Variants in STX2 observed in about 807,000 individuals in gnomAD.
STX2 encodes syntaxin 2.
STX2 carries 27 observed loss-of-function variants against 40.6 expected under a neutral mutation model. The observed-to-expected ratio is 0.66, with a 90% CI of 0.49 to 0.92. The LOEUF is 0.92. Ranked by LOEUF, STX2 falls within the 40% of genes least tolerant of loss-of-function variation. The probability of loss-of-function intolerance (pLI) is 0.00; values close to 1 mark genes in which losing one functional copy is unlikely to be tolerated. For synonymous variants in STX2, 123 were observed against 119.1 expected (o/e 1.03, Z -0.22); for missense variants, 328 against 366.1 (o/e 0.90, Z 0.85).
At chr12:130,818,669 G>GAGACGGTGC (rs201644102) in intron 3 of STX2, among the ~76,000 whole-genome samples, 17 of 104,802 alleles carry the variant, frequency 1.6e-4, no homozygotes, top group East Asian at 8.5e-4. Context: ...GGAGACGATG[G>GAGACGGTGC]AGACGGTGCA....
At position 130,801,498 on chromosome 12, in the gene STX2, C is replaced by T. The variant is rs373211170; in HGVS notation, c.464-10G>A. The T allele has an allele frequency of 1.4e-5, 22 of 1,593,854 alleles. No individual in the cohort carries two copies. Among genetic ancestry groups the T allele is most frequent in the Non-Finnish European group, 1.8e-5 (21 of 1,171,082 alleles). On this transcript the variant is annotated splice_polypyrimidine_tract_variant and intron_variant, in intron 6 of 10. Transcript: ENST00000392373. ...GTGGTGGTTCTCCCAGCTGAAAGACCCGCAACCACAGCCCCACTCAGAATG... is the reference window on the plus strand; with the variant it reads ...GTGGTGGTTCTCCCAGCTGAAAGACTCGCAACCACAGCCCCACTCAGAATG...
At chr12:130,800,149 T>C (rs567668691) in intron 8 of STX2, among the ~76,000 whole-genome samples, 11 of 152,292 alleles carry the variant, frequency 7.2e-5, no homozygotes, top group South Asian at 2.1e-4. Context: ...CTTATCTCCA[T>C]GGTATTTGAA....
intron 5 of STX2, 126 bp downstream of exon 5, chr12:130,808,505 T>C: frequency 1.1e-6 from 1 of 908,258 alleles, no homozygotes; most frequent in Non-Finnish European, 1.7e-6. Context: ...ACTATATTAT[T>C]TTTGTGCAGA....
chr12:130,818,001 C>T (rs1482399571), intron 3 of STX2, among the ~76,000 whole-genome samples: 1 of 151,174 alleles, frequency 6.6e-6, no homozygotes, highest in Non-Finnish European at 1.5e-5. Flanking sequence ...AGCCAAGACT[C>T]CCCAGGAAGG....
intron 1 of STX2, among the ~76,000 whole-genome samples, chr12:130,838,845 C>T (rs1242641492): frequency 6.6e-6 from 1 of 151,552 alleles, no homozygotes; most frequent in Admixed American, 6.6e-5. Context: ...GGACCCCGCC[C>T]GGAGCCCCCA....
chr12:130,830,379 T>C (rs985867654), intron 1 of STX2, among the ~76,000 whole-genome samples: 2 of 151,640 alleles, frequency 1.3e-5, no homozygotes, highest in Non-Finnish European at 2.9e-5. Context: ...TCAACCCTCC[T>C]CTCCCATGGT....
At chr12:130,802,265 G>A (rs527442654) in intron 6 of STX2, among the ~76,000 whole-genome samples, 5 of 152,074 alleles carry the variant, frequency 3.3e-5, no homozygotes, top group Admixed American at 2.0e-4. Flanking sequence ...GGGCACCGTC[G>A]CAGCTCACTG....
chr12:130,828,228 T>C (rs936667163), intron 1 of STX2, among the ~76,000 whole-genome samples: 36 of 151,974 alleles, frequency 2.4e-4, no homozygotes, highest in African/African-American at 8.7e-4. Flanking sequence ...TCCCTACTCT[T>C]TTTTTTTGGA....
rs756794046 is a variant in STX2 at position 130,818,170 on chromosome 12, C to CAAAAAAAAAAA, written c.205+3508_205+3518dup. ...AACACAGTGAGAAACGCTGTTTCTACAAAAAAAAAAAAAAAATATATATAT... is the reference window on the plus strand; with the variant it reads ...AACACAGTGAGAAACGCTGTTTCTACAAAAAAAAAAAAAAAAAAAAAAAAAAATATATATAT... On this transcript the variant is annotated intron_variant, in intron 3 of 10. Transcript: ENST00000392373. Among the ~76,000 whole-genome samples the CAAAAAAAAAAA allele has an allele frequency of 8.0e-5, 4 of 49,856 alleles. 1 individual carries two copies. The highest frequency in any genetic ancestry group is 6.3e-4 in the African/African-American group (4 of 6,388). The allele number at this position is 49,856 out of a possible 152,430, so 32.7% of individuals were successfully genotyped here.
At chr12:130,838,264 G>A (rs1051141134) in intron 1 of STX2, among the ~76,000 whole-genome samples, 1 of 152,214 alleles carries the variant, frequency 6.6e-6, no homozygotes, top group African/African-American at 2.4e-5. Context: ...GAAAGTGCAC[G>A]ACCATCACTA....
At chr12:130,820,029 T>G (rs1011580796) in intron 3 of STX2, among the ~76,000 whole-genome samples, 1 of 152,236 alleles carries the variant, frequency 6.6e-6, no homozygotes, top group Non-Finnish European at 1.5e-5. Flanking sequence ...AATACTACTT[T>G]CTTATTTTTT....
rs73473043 is a variant in STX2 at position 130,817,507 on chromosome 12, G to C, written c.205+4182C>G. 9.4e-3 allele frequency among the ~76,000 whole-genome samples: 1,437 copies of C among 152,276 alleles called. 23 individuals carry two copies. The highest frequency in any genetic ancestry group is 0.033 in the African/African-American group (1,366 of 41,552). ...AGACATACAATTCCAGCCGCAAAGA[G>C]AGATGACAGAAAACGGAGCAAGGAT... On this transcript the variant is annotated intron_variant, in intron 3 of 10. Transcript: ENST00000392373.
At chr12:130,796,338 A>G (rs1183239466) in intron 9 of STX2, among the ~76,000 whole-genome samples, 1 of 152,098 alleles carries the variant, frequency 6.6e-6, no homozygotes, top group Non-Finnish European at 1.5e-5. Flanking sequence ...TACTAAAAAT[A>G]CAAAAACCAG....
chr12:130,816,370 TG>T (rs535538326), intron 3 of STX2, among the ~76,000 whole-genome samples: 3 of 151,910 alleles, frequency 2.0e-5, no homozygotes, highest in East Asian at 3.9e-4. Context: ...ACAGCAGGGG[TG>T]GGGGGCACTC....
intron 8 of STX2, 69 bp from the exon 9 acceptor site, chr12:130,798,704 C>A (rs1951114083): frequency 1.6e-6 from 2 of 1,237,602 alleles, no homozygotes; most frequent in Non-Finnish European, 2.2e-6. Context: ...TTAAGACAAC[C>A]ATAGAACAAA....
At chr12:130,813,563 C>A (rs369081975) in intron 3 of STX2, among the ~76,000 whole-genome samples, 6 of 152,182 alleles carry the variant, frequency 3.9e-5, no homozygotes, top group African/African-American at 1.2e-4. Flanking sequence ...CTCAGACACT[C>A]AGGGCTGCAA....
intron 3 of STX2, among the ~76,000 whole-genome samples, chr12:130,817,826 C>T (rs996382621): frequency 5.3e-5 from 8 of 152,052 alleles, no homozygotes; most frequent in African/African-American, 1.9e-4. Flanking sequence ...TGAAAATATC[C>T]TTCGAGAATA....
chr12:130,801,515 C>CTCAGAATG, intron 6 of STX2, 27 bp from the exon 7 acceptor site: 1 of 1,570,126 alleles, frequency 6.4e-7, no homozygotes, highest in Non-Finnish European at 8.6e-7. Flanking sequence ...CACAGCCCCA[C>CTCAGAATG]TCAGAATGCA....
At chr12:130,801,376 G>A in intron 7 of STX2, 39 bp downstream of exon 7, 1 of 1,598,758 alleles carries the variant, frequency 6.3e-7, no homozygotes, top group Non-Finnish European at 8.5e-7. Context: ...TCTGTCTACA[G>A]AAGAGGACAT....
Sources: gnomAD v4.1 joint callset for allele counts (sites outside exome capture counted in the v4.1 genomes callset) on GRCh38, gnomAD v4.1.1 for gene constraint, MANE v1.5 for transcripts, NCBI Gene and HGNC (gene_info 2026-07-23, HGNC 2026-07-21) for gene names.